WDR33: variants seen among roughly 807,000 people sequenced by gnomAD.
WDR33 encodes WD repeat domain 33.
WDR33 carries 47 observed loss-of-function variants against 164.9 expected under a neutral mutation model. That is an observed-to-expected ratio of 0.29 (90% CI 0.23 to 0.36). The LOEUF (loss-of-function observed/expected upper bound fraction) is 0.36, where lower values mean the gene tolerates loss of function less well. Among genes scored for constraint, WDR33 ranks in the 10% least tolerant of loss-of-function variants. The pLI is 1.00. For synonymous variants in WDR33, 505 were observed against 589.0 expected, an observed-to-expected ratio of 0.86 and a Z score of 2.06; for missense variants, 1,137 against 1,754.1, an observed-to-expected ratio of 0.65 and a Z score of 6.28.
At position 127,763,270 on chromosome 2, in the gene WDR33, G is replaced by C; in HGVS notation, c.627-111C>G. On this transcript the variant is annotated intron_variant, in intron 6 of 21. Transcript: ENST00000322313. The surrounding 1 kb of genome is among the most constrained non-coding windows in gnomAD (Gnocchi z 4.5). ...CTGTGCTGCATTATAAACAGGAGAG[G>C]GAAGAATCCAGTGAAGAAGCCCTTA... 6.5e-7 allele frequency: 1 copy of C among 1,541,736 alleles called. No homozygotes were observed. Among genetic ancestry groups the C allele is most frequent in the Non-Finnish European group, 8.7e-7 (1 of 1,143,192 alleles).
chr2:127,766,691 C>T (rs376395857), intron 4 of WDR33, among the ~76,000 whole-genome samples: 1 of 151,896 alleles, frequency 6.6e-6, no homozygotes, highest in East Asian at 1.9e-4. Context: ...ATTAGCTGCA[C>T]ATCATACCCC....
intron 1 of WDR33, among the ~76,000 whole-genome samples, chr2:127,781,911 T>C (rs534759555): frequency 6.7e-6 from 1 of 149,904 alleles, no homozygotes; most frequent in Admixed American, 6.7e-5. Context: ...GGCAGGAGAA[T>C]TGCCTGAACC....
intron 1 of WDR33, chr2:127,798,857 G>A (rs1039149132): frequency 2.0e-5 from 3 of 150,898 alleles, no homozygotes; most frequent in Non-Finnish European, 4.4e-5. Flanking sequence ...ATTGAAAACT[G>A]CTTTTATTAG....
chr2:127,730,969 T>C (rs1351113785), intron 7 of WDR33, among the ~76,000 whole-genome samples: 1 of 151,836 alleles, frequency 6.6e-6, no homozygotes. Context: ...TGAATGCAAG[T>C]TACTTTGCTA....
rs1291944765 is a variant in WDR33, at chr2:127,709,328, C to T, written c.3565+162G>A. Among the ~76,000 whole-genome samples, 1 of 152,208 alleles carries T rather than the reference C, an allele frequency of 6.6e-6. No homozygotes were observed. Among genetic ancestry groups the T allele is most frequent in the Non-Finnish European group, 1.5e-5 (1 of 68,040 alleles). On this transcript the variant is annotated intron_variant, in intron 20 of 21. Coordinates refer to ENST00000322313, the MANE Select transcript of WDR33 (RefSeq NM_018383.5). This position sits in a 1 kb window ranked among gnomAD's most constrained non-coding sequence, Gnocchi z 5.0. ...GCGGATTCCTCTGCTCTGCATTCCA[C>T]CTGCTGAGATCAAGTGCTGCGGCTG...
Position 127,718,395 on chromosome 2 carries a change from C to CCCAA in WDR33, c.2760+866_2760+869dup, listed in dbSNP as rs1686346925. ...CAGGGACAAAACTCAGTTATTCATACCCAAATAATGCCTCCAGACTAAGAA... is the reference window on the plus strand; with the variant it reads ...CAGGGACAAAACTCAGTTATTCATACCCAACCAAATAATGCCTCCAGACTAAGAA... On this transcript the variant is annotated intron_variant, in intron 16 of 21. Transcript: ENST00000322313. The surrounding 1 kb of genome is among the most constrained non-coding windows in gnomAD (Gnocchi z 4.4). Among the ~76,000 whole-genome samples the CCCAA allele has an allele frequency of 6.6e-6, 1 of 152,012 alleles. No homozygotes were observed. The highest frequency in any genetic ancestry group is 2.1e-4 in the South Asian group (1 of 4,814).
intron 1 of WDR33, among the ~76,000 whole-genome samples, chr2:127,787,420 C>T (rs1688621800): frequency 7.7e-6 from 1 of 129,212 alleles, no homozygotes; most frequent in Admixed American, 7.2e-5. Flanking sequence ...CTCCTCACTT[C>T]CCAGTAGGGG....
Position 127,726,837 on chromosome 2 carries a change from A to G in WDR33, c.725-60T>C. On this transcript the variant is annotated intron_variant, in intron 7 of 21. Coordinates refer to ENST00000322313, the MANE Select transcript of WDR33 (RefSeq NM_018383.5). This position sits in a 1 kb window ranked among gnomAD's most constrained non-coding sequence, Gnocchi z 4.8. ...GTTACATGCATTTAAAGCAATTTAA[A>G]CCAAAGTAGAGAAACCTAGTAAATG... The G allele has an allele frequency of 6.3e-7, 1 of 1,594,296 alleles. No individual in the cohort carries two copies. Among genetic ancestry groups the G allele is most frequent in the Non-Finnish European group, 8.5e-7 (1 of 1,169,662 alleles).
In WDR33 at chr2:127,705,047, C is replaced by T. The variant is rs548079413; in HGVS notation, c.*1276G>A. The T allele has an allele frequency of 1.2e-5, 2 of 164,894 alleles. No individual in the cohort carries two copies. The highest frequency in any genetic ancestry group is 1.9e-4 in the East Asian group (1 of 5,170). 10.2% of individuals were successfully genotyped at this position (164,894 alleles called of 1,614,324 possible). On this transcript the variant is annotated 3_prime_UTR_variant, in exon 22 of 22. Coordinates refer to ENST00000322313, the MANE Select transcript of WDR33 (RefSeq NM_018383.5). The surrounding 1 kb of genome is among the most constrained non-coding windows in gnomAD (Gnocchi z 4.5). ...CGTGATTGCACCACTGCACTCCTGG[C>T]TGGGTGACAGAGCAAGACTCTGTCA...
intron 7 of WDR33, among the ~76,000 whole-genome samples, chr2:127,758,327 T>C (rs994069756): frequency 9.2e-5 from 14 of 152,152 alleles, no homozygotes; most frequent in Non-Finnish European, 2.9e-5. Context: ...CAGTTTAACA[T>C]AGTAGTTAAC....
chr2:127,702,317 G>A lies in WDR33; in HGVS notation c.*4006C>T. On this transcript the variant is annotated 3_prime_UTR_variant, in exon 22 of 22. Coordinates refer to ENST00000322313, the MANE Select transcript of WDR33 (RefSeq NM_018383.5). ...CTAACAGCCTGCGAGTCTAATCCGG[G>A]AGCGGCTGCTGCCAGCGGAGGCGAC... 1 of 921,756 alleles carries A rather than the reference G, an allele frequency of 1.1e-6. No homozygotes were observed. The highest frequency in any genetic ancestry group is 1.4e-6 in the Non-Finnish European group (1 of 715,820). The allele number at this position is 921,756 out of a possible 1,614,324, so 57.1% of individuals were successfully genotyped here. A position where few individuals can be genotyped will look rare whatever the true frequency, so the allele number is the denominator to read the frequency against.
Position 127,701,515 on chromosome 2 carries a change from C to T in WDR33, c.*4808G>A, listed in dbSNP as rs1476361089. On this transcript the variant is annotated 3_prime_UTR_variant, in exon 22 of 22. Transcript: ENST00000322313. The stretch of plus-strand genomic sequence containing the variant: ...GAGCCGCAGCTTTTCCTTTCTGCCA[C>T]CGCCTTGTCCAAGATGGCGGACCTC... 9.3e-6 allele frequency: 12 copies of T among 1,295,756 alleles called. No individual in the cohort carries two copies. Among genetic ancestry groups the T allele is most frequent in the Non-Finnish European group, 1.2e-5 (12 of 1,018,086 alleles). 80.3% of individuals were successfully genotyped at this position (1,295,756 alleles called of 1,614,324 possible).
In WDR33 at chr2:127,719,267, G is replaced by C; in HGVS notation, c.2758C>G (p.Gln920Glu). ...LGDGPRAPFN[Q>E]EGQSTGPPPL... is the part of the protein sequence containing the mutation. Reference sequence around the variant, plus strand: ...CGTGAGTTGGAAATGAATAATACCTGGTTGAAGGGGGCCCGGGGCCCATCA... The same window carrying C: ...CGTGAGTTGGAAATGAATAATACCTCGTTGAAGGGGGCCCGGGGCCCATCA... The change falls in exon 16 of 22, where the codon CAG becomes GAG. Residue 920 changes from glutamine (Q) to glutamate (E), a missense_variant and splice_region_variant. By Grantham distance (29) the Gln-to-Glu change is conservative. Transcript: ENST00000322313. This position sits in a 1 kb window ranked among gnomAD's most constrained non-coding sequence, Gnocchi z 6.5. The C allele has an allele frequency of 7.0e-7, 1 of 1,428,366 alleles. No homozygotes were observed. Among genetic ancestry groups the C allele is most frequent in the Non-Finnish European group, 9.2e-7 (1 of 1,090,514 alleles). 88.5% of individuals were successfully genotyped at this position (1,428,366 alleles called of 1,614,324 possible).
chr2:127,736,045 G>A (rs1444717526), intron 7 of WDR33: 1 of 985,468 alleles, frequency 1.0e-6, no homozygotes, highest in Non-Finnish European at 1.2e-6. Context: ...CGGCAGTCAG[G>A]TAAGTTGAGC....
chr2:127,784,317 C>G (rs1252237883), intron 1 of WDR33, among the ~76,000 whole-genome samples: 1 of 152,210 alleles, frequency 6.6e-6, no homozygotes, highest in Non-Finnish European at 1.5e-5. Flanking sequence ...CTATGATACT[C>G]TTTCCCAAAA....
rs112277935 is a variant in WDR33, at chr2:127,763,026, T to C, written c.724+36A>G. ...GATTTAACCACAAATGTCTTCCCTA[T>C]TTAAATATTCCAATCAGTACTGTTA... On this transcript the variant is annotated intron_variant, in intron 7 of 21. Coordinates refer to ENST00000322313, the MANE Select transcript of WDR33 (RefSeq NM_018383.5). The surrounding 1 kb of genome is among the most constrained non-coding windows in gnomAD (Gnocchi z 4.5). The C allele has an allele frequency of 6.1e-5, 99 of 1,613,520 alleles. No individual in the cohort carries two copies. In the African/African-American group the frequency reaches 1.1e-3, roughly 18 times the overall value.
chr2:127,711,475 T>C (rs1427773414), intron 18 of WDR33, among the ~76,000 whole-genome samples: 1 of 147,926 alleles, frequency 6.8e-6, no homozygotes, highest in Non-Finnish European at 1.5e-5. Flanking sequence ...TTGCACAAGA[T>C]GCAGAGATTC....
intron 1 of WDR33, among the ~76,000 whole-genome samples, chr2:127,799,562 A>G (rs1246667941): frequency 1.3e-5 from 2 of 152,172 alleles, no homozygotes; most frequent in African/African-American, 4.8e-5. Flanking sequence ...TGGGAGGCCA[A>G]GGCAGGTGGA....
chr2:127,779,042 C>A (rs1385952832), intron 1 of WDR33, among the ~76,000 whole-genome samples: 2 of 151,644 alleles, frequency 1.3e-5, no homozygotes, highest in African/African-American at 4.8e-5. Context: ...GCTCTGGCAT[C>A]AAAAAAATGC....
Sources: allele counts gnomAD v4.1 joint callset (sites outside exome capture counted in the v4.1 genomes callset), GRCh38; gene constraint gnomAD v4.1.1; non-coding constraint Gnocchi (gnomAD v3.1); transcripts MANE v1.5; gene names NCBI Gene and HGNC (gene_info 2026-07-23, HGNC 2026-07-21).